Variants in ARHGAP35 observed in about 807,000 individuals in gnomAD.
The protein encoded by ARHGAP35 is rho GTPase-activating protein 35.
Under a neutral mutation model 111.1 loss-of-function variants are expected in ARHGAP35, and 15 were observed. That is an observed-to-expected ratio of 0.13 (90% CI 0.09 to 0.21). The LOEUF (loss-of-function observed/expected upper bound fraction) is 0.21. ARHGAP35 is among the 10% of genes least tolerant of loss of function. The probability of loss-of-function intolerance (pLI) is 1.00; values close to 1 mark genes in which losing one functional copy is unlikely to be tolerated. For synonymous variants in ARHGAP35, 643 were observed against 710.3 expected (o/e 0.91, Z 1.51); for missense variants, 1,262 against 1,873.0 (o/e 0.67, Z 6.02).
At position 46,926,784 on chromosome 19, in the gene ARHGAP35, C is replaced by G. The variant is rs556873688; in HGVS notation, c.3681+4428C>G. Among the ~76,000 whole-genome samples the G allele has an allele frequency of 6.6e-6, 1 of 152,170 alleles. No individual in the cohort carries two copies. The highest frequency in any genetic ancestry group is 6.5e-5 in the Admixed American group (1 of 15,278). On this transcript the variant is annotated intron_variant, in intron 2 of 6. Transcript: ENST00000672722. This position sits in a 1 kb window ranked among gnomAD's most constrained non-coding sequence, Gnocchi z 4.1. ...ACCAGTTTGACAGTTTGTGTCCCCCCCTAGTGAATTGGCTTATTTCATTGG... is the reference window on the plus strand; with the variant it reads ...ACCAGTTTGACAGTTTGTGTCCCCCGCTAGTGAATTGGCTTATTTCATTGG...
intron 3 of ARHGAP35, chr19:46,946,741 T>TTGTG (rs540357972): frequency 7.0e-4 from 105 of 149,358 alleles, no homozygotes; most frequent in African/African-American, 1.9e-3. Context: ...TGTTTTTGTT[T>TTGTG]TGTGTGTGTG....
chr19:46,884,760 T>G (rs2055984739), intron 1 of ARHGAP35, among the ~76,000 whole-genome samples: 1 of 151,962 alleles, frequency 6.6e-6, no homozygotes, highest in Non-Finnish European at 1.5e-5. Flanking sequence ...GTACTAAGAT[T>G]ACAGGTTTAA....
intron 3 of ARHGAP35, among the ~76,000 whole-genome samples, chr19:46,971,602 C>T (rs529163088): frequency 7.3e-5 from 11 of 151,188 alleles, no homozygotes; most frequent in African/African-American, 2.2e-4. Context: ...CAGGTTCAAA[C>T]GATTCTCCTG....
At position 47,000,217 on chromosome 19, in the gene ARHGAP35, T is replaced by G. The variant is rs538745223; in HGVS notation, c.4143-114T>G. The G allele has an allele frequency of 2.7e-5, 31 of 1,159,730 alleles. No individual in the cohort carries two copies. In the African/African-American group the frequency reaches 4.0e-4, roughly 15 times the overall value. The allele number at this position is 1,159,730 out of a possible 1,614,324, so 71.8% of individuals were successfully genotyped here. On this transcript the variant is annotated intron_variant, in intron 6 of 6. Transcript: ENST00000672722. This position sits in a 1 kb window ranked among gnomAD's most constrained non-coding sequence, Gnocchi z 6.9. ...ACAGAGAGCTGCGCATGGCCTTTTCTGCTCCACCTGAGGGAAGAAAGGTGG... is the reference window on the plus strand; with the variant it reads ...ACAGAGAGCTGCGCATGGCCTTTTCGGCTCCACCTGAGGGAAGAAAGGTGG...
chr19:46,919,547 A>C lies in ARHGAP35; in HGVS notation c.872A>C (p.Asn291Thr). 1.2e-6 allele frequency: 2 copies of C among 1,614,012 alleles called. No individual in the cohort carries two copies. Among genetic ancestry groups the C allele is most frequent in the Non-Finnish European group, 1.7e-6 (2 of 1,179,886 alleles). ...VSRIVKNHNE[N>T]WLSVSRKMQA... Reference sequence around the variant, plus strand: ...CGCATTGTGAAAAACCACAATGAGAACTGGCTGAGTGTCAGCCGAAAGATG... The same window carrying C: ...CGCATTGTGAAAAACCACAATGAGACCTGGCTGAGTGTCAGCCGAAAGATG... The change falls in exon 2 of 7, where the codon AAC becomes ACC. Residue 291 changes from asparagine (N) to threonine (T), a missense_variant. Asn to Thr is a moderately conservative substitution (Grantham distance 65). Around this residue, in one of 8 missense-constraint regions of ARHGAP35, gnomAD observed 328 missense variants for 440.8 expected, o/e 0.74. Transcript: ENST00000672722. This position sits in a 1 kb window ranked among gnomAD's most constrained non-coding sequence, Gnocchi z 6.2.
In ARHGAP35 at chr19:46,908,863, G is replaced by A. The variant is rs1445201823; in HGVS notation, c.-188-9625G>A. Among the ~76,000 whole-genome samples, 1 of 152,162 alleles carries A rather than the reference G, an allele frequency of 6.6e-6. No individual in the cohort carries two copies. The highest frequency in any genetic ancestry group is 1.5e-5 in the Non-Finnish European group (1 of 68,016). ...GATGGTAAGGTAGCAACATAGTTCT[G>A]TATTCCCACCCTGGAATTCAGAAGA... On this transcript the variant is annotated intron_variant, in intron 1 of 6. Transcript: ENST00000672722. This position sits in a 1 kb window ranked among gnomAD's most constrained non-coding sequence, Gnocchi z 4.2.
In ARHGAP35 at chr19:46,861,035, TGGAGGAGGC is replaced by T. The variant is rs991191101; in HGVS notation, c.-354_-346del. 7.5e-6 allele frequency among the ~76,000 whole-genome samples: 1 copy of T among 132,640 alleles called. No individual in the cohort carries two copies. The highest frequency in any genetic ancestry group is 2.7e-4 in the East Asian group (1 of 3,702). The allele number at this position is 132,640 out of a possible 152,430, so 87.0% of individuals were successfully genotyped here. Reference sequence around the variant, plus strand: ...GCCGCGGCGCGGCGGCAGGAGGAGGTGGAGGAGGCGGAGGAGGGAACCCGCGAGGGAGGG... The same window carrying T: ...GCCGCGGCGCGGCGGCAGGAGGAGGTGGAGGAGGGAACCCGCGAGGGAGGG... On this transcript the variant is annotated 5_prime_UTR_variant, in exon 1 of 7. Coordinates refer to ENST00000672722, the MANE Select transcript of ARHGAP35 (RefSeq NM_004491.5).
chr19:46,892,123 TAAAAAAAAAAAA>T (rs1178888092), intron 1 of ARHGAP35, among the ~76,000 whole-genome samples: 1 of 53,894 alleles, frequency 1.9e-5, no homozygotes. Context: ...CTGTCTCTAC[TAAAAAAAAAAAA>T]AAAAAAAAAA....
chr19:46,963,744 G>A (rs12608885), intron 3 of ARHGAP35, among the ~76,000 whole-genome samples: 6,239 of 152,242 alleles, frequency 0.041, 191 homozygotes, highest in East Asian at 0.16. Flanking sequence ...TCTCCCATGG[G>A]ACTTAATCGG....
rs777178884 is a variant in ARHGAP35, at chr19:46,922,029, C to T, written c.3354C>T (p.Thr1118=). 1 of 1,614,002 alleles carries T rather than the reference C, an allele frequency of 6.2e-7. No individual in the cohort carries two copies. Among genetic ancestry groups the T allele is most frequent in the Non-Finnish European group, 8.5e-7 (1 of 1,179,886 alleles). Residue 1118 remains threonine (T), a synonymous_variant, in exon 2 of 7, where the codon ACC becomes ACT. Coordinates refer to ENST00000672722, the MANE Select transcript of ARHGAP35 (RefSeq NM_004491.5). The surrounding 1 kb of genome is among the most constrained non-coding windows in gnomAD (Gnocchi z 4.0). ...ACAGCACCCAAGGCAAAATCATCAC[C>T]ATTCGGAATATCAACAAAGCCCAGT... ...PHDSTQGKII[T]IRNINKAQSN...
chr19:46,871,679 T>G (rs1323187583), intron 1 of ARHGAP35, among the ~76,000 whole-genome samples: 1 of 151,686 alleles, frequency 6.6e-6, no homozygotes, highest in East Asian at 2.0e-4. Context: ...CTTGATCTAC[T>G]TATAAGAATC....
At chr19:46,974,247 C>T (rs932401367) in intron 3 of ARHGAP35, among the ~76,000 whole-genome samples, 3 of 152,182 alleles carry the variant, frequency 2.0e-5, no homozygotes, top group Admixed American at 1.3e-4. Flanking sequence ...ACACTAACTC[C>T]CAAAGTTAGC....
rs2056403309 is a variant in ARHGAP35 at position 46,950,108 on chromosome 19, A to G, written c.3826+12700A>G. On this transcript the variant is annotated intron_variant, in intron 3 of 6. Coordinates refer to ENST00000672722, the MANE Select transcript of ARHGAP35 (RefSeq NM_004491.5). Reference sequence around the variant, plus strand: ...AACCAGTATCCTGGCATCCAATGGTATGGAATACTTTTGCCTGCTTTTGTA... The same window carrying G: ...AACCAGTATCCTGGCATCCAATGGTGTGGAATACTTTTGCCTGCTTTTGTA... Among the ~76,000 whole-genome samples, 4 of 152,216 alleles carry G rather than the reference A, an allele frequency of 2.6e-5. No homozygotes were observed. In the South Asian group the frequency reaches 6.2e-4, roughly 24 times the overall value.
intron 3 of ARHGAP35, among the ~76,000 whole-genome samples, chr19:46,963,477 G>A (rs2056496432): frequency 1.3e-5 from 2 of 152,114 alleles, no homozygotes; most frequent in African/African-American, 4.8e-5. Flanking sequence ...CTCCACACTG[G>A]CCTCAGCAAA....
Position 46,976,945 on chromosome 19 carries a change from AC to A in ARHGAP35, c.3827-11040del, listed in dbSNP as rs780403739. On this transcript the variant is annotated intron_variant, in intron 3 of 6. Coordinates refer to ENST00000672722, the MANE Select transcript of ARHGAP35 (RefSeq NM_004491.5). ...CCCAGCAAATCCCCATGCCTCTATA[AC>A]CCCTGTCAGTTTCCTTGACCTCTGC... is the stretch of plus-strand genomic sequence containing the variant. Among the ~76,000 whole-genome samples, 90 of 152,072 alleles carry A rather than the reference AC, an allele frequency of 5.9e-4. 1 individual carries two copies. The highest frequency in any genetic ancestry group is 3.4e-3 in the Middle Eastern group (1 of 294).
rs2055822134 is a variant in ARHGAP35 at position 46,861,024 on chromosome 19, G to A, written c.-374G>A. Among the ~76,000 whole-genome samples the A allele has an allele frequency of 1.3e-5, 2 of 151,248 alleles. No homozygotes were observed. Among genetic ancestry groups the A allele is most frequent in the Admixed American group, 6.6e-5 (1 of 15,264 alleles). On this transcript the variant is annotated 5_prime_UTR_variant, in exon 1 of 7. Coordinates refer to ENST00000672722, the MANE Select transcript of ARHGAP35 (RefSeq NM_004491.5). ...CCCGAGGGAGAGCCGCGGCGCGGCGGCAGGAGGAGGTGGAGGAGGCGGAGG... is the reference window on the plus strand; with the variant it reads ...CCCGAGGGAGAGCCGCGGCGCGGCGACAGGAGGAGGTGGAGGAGGCGGAGG...
At chr19:46,913,703 T>C (rs2056150004) in intron 1 of ARHGAP35, among the ~76,000 whole-genome samples, 1 of 152,224 alleles carries the variant, frequency 6.6e-6, no homozygotes, top group Non-Finnish European at 1.5e-5. Context: ...GTCCTGTGTT[T>C]CTGTTTTTCT....
rs759414604 is a variant in ARHGAP35, at chr19:46,920,963, G to T, written c.2288G>T (p.Arg763Leu). ...QVLKGLLDSKRNLNLVSSTAS... is the reference protein window; with the variant it reads ...QVLKGLLDSKLNLNLVSSTAS... Reference sequence around the variant, plus strand: ...TTGAAGGGACTCCTGGACTCTAAGCGTAACTTAAACCTGGTCAGTTCTACT... The same window carrying T: ...TTGAAGGGACTCCTGGACTCTAAGCTTAACTTAAACCTGGTCAGTTCTACT... The change falls in exon 2 of 7, where the codon CGT (arginine) becomes CTT (leucine). Residue 763 changes from arginine to leucine, a missense_variant. Arg to Leu is a moderately radical substitution (Grantham distance 102). This residue lies in a region of ARHGAP35 where 579 missense variants were observed against 716.9 expected (regional missense o/e 0.81). Transcript: ENST00000672722. This position sits in a 1 kb window ranked among gnomAD's most constrained non-coding sequence, Gnocchi z 7.0. 1.2e-6 allele frequency: 2 copies of T among 1,613,968 alleles called. No individual in the cohort carries two copies. Among genetic ancestry groups the T allele is most frequent in the South Asian group, 2.2e-5 (2 of 91,074 alleles).
intron 3 of ARHGAP35, among the ~76,000 whole-genome samples, chr19:46,951,027 G>A (rs772786241): frequency 1.3e-5 from 2 of 152,228 alleles, no homozygotes; most frequent in African/African-American, 2.4e-5. Context: ...GTGGAGCCCG[G>A]CAGCTGTGGA....
Sources: allele counts gnomAD v4.1 joint callset (sites outside exome capture counted in the v4.1 genomes callset), GRCh38; gene constraint gnomAD v4.1.1; regional missense constraint gnomAD v4.1.1; non-coding constraint Gnocchi (gnomAD v3.1); transcripts MANE v1.5; gene names NCBI Gene and HGNC (gene_info 2026-07-23, HGNC 2026-07-21).